The following SVEP1 variants were observed in gnomAD, a reference collection of about 807,000 sequenced individuals.
SVEP1 encodes sushi, von Willebrand factor type A, EGF and pentraxin domain containing 1.
SVEP1 carries 164 observed loss-of-function variants against 367.3 expected under a neutral mutation model. The observed-to-expected ratio is 0.45, with a 90% CI of 0.39 to 0.51. The LOEUF (loss-of-function observed/expected upper bound fraction) is 0.51, where lower values mean the gene tolerates loss of function less well. Among genes scored for constraint, SVEP1 ranks in the 20% least tolerant of loss-of-function variants. The probability of loss-of-function intolerance (pLI) is 0.00; values close to 1 mark genes in which losing one functional copy is unlikely to be tolerated. For synonymous variants in SVEP1, 1,666 were observed against 1,611.6 expected (o/e 1.03, Z -0.81); for missense variants, 4,117 against 4,425.3 (o/e 0.93, Z 1.98).
At chr9:110,505,393 T>C (rs2118759951) in intron 5 of SVEP1, among the ~76,000 whole-genome samples, 1 of 152,320 alleles carries the variant, frequency 6.6e-6, no homozygotes, top group South Asian at 2.1e-4. Flanking sequence ...TATCCACATG[T>C]AGCTGTGTTC....
intron 36 of SVEP1, among the ~76,000 whole-genome samples, chr9:110,415,241 C>G (rs568635830): frequency 1.3e-5 from 2 of 151,980 alleles, no homozygotes; most frequent in African/African-American, 4.8e-5. Flanking sequence ...CATTTTTGTC[C>G]TAAGCTTAAG....
chr9:110,519,471 C>A (rs991401074), intron 3 of SVEP1, among the ~76,000 whole-genome samples: 1 of 152,152 alleles, frequency 6.6e-6, no homozygotes, highest in Non-Finnish European at 1.5e-5. Context: ...TAAAGGTTCT[C>A]TAACTTCTTC....
Position 110,546,149 on chromosome 9 carries a change from C to G in SVEP1, c.930G>C (p.Gly310=). ...TGHFECICEK[G]YYGKGLQYEC... ...CATACTGCAGACCTTTCCCGTAATA[C>G]CCCTTTTCACAGATGCACTCAAAAT... is the stretch of plus-strand genomic sequence containing the variant. The change falls in exon 3 of 48, where the codon GGG becomes GGC. Residue 310 remains glycine, a synonymous_variant. Coordinates refer to ENST00000374469, the MANE Select transcript of SVEP1 (RefSeq NM_153366.4). 1 of 1,553,284 alleles carries G rather than the reference C, an allele frequency of 6.4e-7. No homozygotes were observed. Among genetic ancestry groups the G allele is most frequent in the South Asian group, 1.2e-5 (1 of 84,086 alleles).
chr9:110,542,331 G>C (rs964218438), intron 3 of SVEP1, among the ~76,000 whole-genome samples: 7 of 152,096 alleles, frequency 4.6e-5, no homozygotes, highest in Non-Finnish European at 8.8e-5. Context: ...ATTTCCTCTT[G>C]TAGAATGAGG....
chr9:110,567,360 A>G (rs1441830282), intron 1 of SVEP1, among the ~76,000 whole-genome samples: 2 of 152,240 alleles, frequency 1.3e-5, no homozygotes, highest in Non-Finnish European at 2.9e-5. Flanking sequence ...ATTGGTGAAT[A>G]CAAATTAACT....
At chr9:110,520,535 C>A (rs576831425) in intron 3 of SVEP1, among the ~76,000 whole-genome samples, 1 of 152,128 alleles carries the variant, frequency 6.6e-6, no homozygotes, top group African/African-American at 2.4e-5. Context: ...GAGGTTATCA[C>A]GTTGTACTAA....
At chr9:110,504,234 A>AT (rs1213898078) in intron 5 of SVEP1, among the ~76,000 whole-genome samples, 6 of 149,392 alleles carry the variant, frequency 4.0e-5, no homozygotes, top group Admixed American at 6.6e-5. Context: ...TTTTTTTTGA[A>AT]TTTTTTTATT....
rs1024450755 is a variant in SVEP1, at chr9:110,432,710, A to G, written c.5060-75T>C. The stretch of plus-strand genomic sequence containing the variant: ...AAGAACACTTTATTTGTATTAAACT[A>G]GCAGTTCAGTTAAGCATGACATTTT... On this transcript the variant is annotated intron_variant, in intron 30 of 47. Coordinates refer to ENST00000374469, the MANE Select transcript of SVEP1 (RefSeq NM_153366.4). 11 of 1,492,270 alleles carry G rather than the reference A, an allele frequency of 7.4e-6. No homozygotes were observed. In the African/African-American group the frequency reaches 1.3e-4, roughly 17 times the overall value. The allele number at this position is 1,492,270 out of a possible 1,614,324, so 92.4% of individuals were successfully genotyped here. A position where few individuals can be genotyped will look rare whatever the true frequency, so the allele number is the denominator to read the frequency against.
chr9:110,424,302 C>T (rs1229633237), intron 36 of SVEP1, among the ~76,000 whole-genome samples: 1 of 151,870 alleles, frequency 6.6e-6, no homozygotes, highest in Non-Finnish European at 1.5e-5. Context: ...TACTGTCTAT[C>T]AGTGAAAATA....
intron 21 of SVEP1, among the ~76,000 whole-genome samples, 177 bp from the exon 22 acceptor site, chr9:110,455,880 T>C (rs1440974906): frequency 6.6e-6 from 1 of 152,206 alleles, no homozygotes; most frequent in African/African-American, 2.4e-5. Flanking sequence ...AATACCTCTT[T>C]CTAAACAAAT....
intron 14 of SVEP1, among the ~76,000 whole-genome samples, chr9:110,472,965 C>T (rs1449782493): frequency 1.3e-5 from 2 of 152,100 alleles, no homozygotes; most frequent in Admixed American, 6.6e-5. Flanking sequence ...TAATCTTAGT[C>T]AAGTTACTTT....
intron 3 of SVEP1, among the ~76,000 whole-genome samples, chr9:110,516,340 A>G (rs971838515): frequency 6.6e-6 from 1 of 151,796 alleles, no homozygotes; most frequent in Admixed American, 6.6e-5. Context: ...GACTTTGTTT[A>G]AAAACAAAAG....
chr9:110,466,131 C>T, intron 17 of SVEP1, 105 bp from the exon 18 acceptor site: 2 of 1,207,994 alleles, frequency 1.7e-6, no homozygotes, highest in Non-Finnish European at 2.2e-6. Context: ...GACAGAAGGA[C>T]AGAATGAGGG....
chr9:110,375,269 A>T, intron 46 of SVEP1, 99 bp downstream of exon 46: 2 of 1,071,312 alleles, frequency 1.9e-6, no homozygotes, highest in Non-Finnish European at 2.7e-6. Flanking sequence ...GTACTTTTTC[A>T]TTTTGCCACC....
At chr9:110,469,357 G>T (rs1828983429) in intron 16 of SVEP1, among the ~76,000 whole-genome samples, 1 of 152,106 alleles carries the variant, frequency 6.6e-6, no homozygotes, top group African/African-American at 2.4e-5. Flanking sequence ...TATATAATGG[G>T]GGTTTAAAAG....
chr9:110,385,755 A>C, intron 43 of SVEP1, 143 bp downstream of exon 43: 1 of 938,840 alleles, frequency 1.1e-6, no homozygotes, highest in Non-Finnish European at 1.4e-6. Context: ...AGAAATTTAC[A>C]AACATTAATG....
At chr9:110,388,633 A>C (rs1012462436) in intron 41 of SVEP1, among the ~76,000 whole-genome samples, 2 of 152,092 alleles carry the variant, frequency 1.3e-5, no homozygotes, top group African/African-American at 4.8e-5. Context: ...ACAGATCTTA[A>C]CCTTGGCTGC....
At chr9:110,389,047 T>A (rs753014730) in intron 41 of SVEP1, among the ~76,000 whole-genome samples, 26 of 152,214 alleles carry the variant, frequency 1.7e-4, no homozygotes, top group Non-Finnish European at 3.4e-4. Context: ...TAAAGTTATG[T>A]GCATTAACCC....
intron 1 of SVEP1, among the ~76,000 whole-genome samples, chr9:110,556,870 C>A (rs576470098): frequency 2.0e-5 from 3 of 152,272 alleles, no homozygotes; most frequent in African/African-American, 4.8e-5. Context: ...ATACAATGAA[C>A]TAATACCTAC....
Sources: gnomAD v4.1 joint callset for allele counts (sites outside exome capture counted in the v4.1 genomes callset) on GRCh38, gnomAD v4.1.1 for gene constraint, MANE v1.5 for transcripts, NCBI Gene and HGNC (gene_info 2026-07-23, HGNC 2026-07-21) for gene names.